The following UTS2 variants were observed in gnomAD, a reference collection of about 807,000 sequenced individuals.
The protein encoded by UTS2 is urotensin-2.
Under a neutral mutation model 12.6 loss-of-function variants are expected in UTS2, and 10 were observed. That is an observed-to-expected ratio of 0.80 (90% confidence interval 0.49 to 1.35). The LOEUF is 1.35. UTS2 is among the 40% of genes most tolerant of loss of function. The pLI is 0.00. For missense variants in UTS2, 142 were observed against 143.2 expected (o/e 0.99, Z 0.04); for synonymous variants, 52 against 50.0 (o/e 1.04, Z -0.17).
the UTS2 span, among the ~76,000 whole-genome samples, chr1:7,863,928 C>T: frequency 6.6e-6 from 1 of 152,222 alleles, no homozygotes; most frequent in Non-Finnish European, 1.5e-5. Flanking sequence ...TGCTGGCTGA[C>T]AGCGGGGCCT....
At chr1:7,856,172 TCG>T (rs1471642092), upstream of UTS2, among the ~76,000 whole-genome samples, 1 of 147,220 alleles carries the variant, frequency 6.8e-6, no homozygotes, top group African/African-American at 2.5e-5. Context: ...GTAGGCAGAC[TCG>T]ATAAATATTT....
At chr1:7,869,055 AT>A in the UTS2 span, among the ~76,000 whole-genome samples, 1 of 152,206 alleles carries the variant, frequency 6.6e-6, no homozygotes, top group African/African-American at 2.4e-5. Flanking sequence ...GTATTCTGTA[AT>A]AGCAGCCCCA....
chr1:7,874,196 C>G, the UTS2 span, among the ~76,000 whole-genome samples: 1 of 152,150 alleles, frequency 6.6e-6, no homozygotes, highest in African/African-American at 2.4e-5. Flanking sequence ...TGAGAGATCC[C>G]CGCAAGGCTG....
the UTS2 span, among the ~76,000 whole-genome samples, chr1:7,891,593 AAAG>A: frequency 6.7e-6 from 1 of 149,948 alleles, no homozygotes. Context: ...AGAAAGAAAG[AAAG>A]AAAATTGCCA....
At chr1:7,892,403 G>T in the UTS2 span, among the ~76,000 whole-genome samples, 4 of 150,274 alleles carry the variant, frequency 2.7e-5, no homozygotes, top group East Asian at 7.8e-4. Flanking sequence ...GCCTCCATCT[G>T]CAAAGCTTGC....
At chr1:7,877,143 G>A in the UTS2 span, among the ~76,000 whole-genome samples, 8,065 of 66,728 alleles carry the variant, frequency 0.12, 827 homozygotes, top group East Asian at 0.46. Flanking sequence ...AAAAAAAAAA[G>A]AAAAAAAAAA....
At chr1:7,891,596 G>GAA in the UTS2 span, among the ~76,000 whole-genome samples, 4 of 148,264 alleles carry the variant, frequency 2.7e-5, no homozygotes, top group Non-Finnish European at 6.0e-5. Context: ...AAGAAAGAAA[G>GAA]AAAATTGCCA....
chr1:7,849,569 A>G, intron 3 of UTS2, 71 bp downstream of exon 3: 1 of 1,381,326 alleles, frequency 7.2e-7, no homozygotes, highest in East Asian at 2.4e-5. Context: ...TAGTTCATGA[A>G]TTCAGAGTCC....
chr1:7,879,775 T>C, the UTS2 span, among the ~76,000 whole-genome samples: 80 of 151,670 alleles, frequency 5.3e-4, no homozygotes, highest in African/African-American at 1.8e-3. Flanking sequence ...TTGAAACAAA[T>C]GAAAATGAAA....
the UTS2 span, among the ~76,000 whole-genome samples, chr1:7,906,449 GAGAAAGAAAGAAAGAA>G: frequency 7.5e-4 from 55 of 73,274 alleles, no homozygotes; most frequent in African/African-American, 1.6e-3. Context: ...GAAAGAAAAA[GAGAAAGAAAGAAAGAA>G]AGAAAGAAAG....
chr1:7,850,926 C>T lies in UTS2; in HGVS notation c.104-4G>A. 1 of 1,613,926 alleles carries T rather than the reference C, an allele frequency of 6.2e-7. No homozygotes were observed. The highest frequency in any genetic ancestry group is 8.5e-7 in the Non-Finnish European group (1 of 1,179,936). ...AAGCGCGCGTCTTCATGAGGTGCTA[C>T]AGAGTAAAAACAGATACTTAGAATT... is the stretch of plus-strand genomic sequence containing the variant. On this transcript the variant is annotated splice_region_variant and splice_polypyrimidine_tract_variant and intron_variant, in intron 1 of 3. Coordinates refer to ENST00000361696, the MANE Select transcript of UTS2 (RefSeq NM_006786.4).
chr1:7,882,338 A>G, the UTS2 span, among the ~76,000 whole-genome samples: 2 of 152,092 alleles, frequency 1.3e-5, no homozygotes, highest in African/African-American at 4.8e-5. Flanking sequence ...CTGACTCTAA[A>G]TAAATAAATA....
At chr1:7,858,670 G>A in the UTS2 span, among the ~76,000 whole-genome samples, 2 of 152,090 alleles carry the variant, frequency 1.3e-5, no homozygotes, top group African/African-American at 4.8e-5. Context: ...ACCACCTCCA[G>A]GGTTCAAGCA....
the UTS2 span, among the ~76,000 whole-genome samples, chr1:7,860,906 G>T: frequency 2.0e-5 from 3 of 151,782 alleles, no homozygotes; most frequent in Non-Finnish European, 4.4e-5. Context: ...GCTGGGCATG[G>T]TGGTGGACAC....
chr1:7,891,209 G>A, the UTS2 span, among the ~76,000 whole-genome samples: 36 of 152,200 alleles, frequency 2.4e-4, no homozygotes, highest in East Asian at 3.7e-3. Context: ...ACAAAGTATC[G>A]GTTAGAGAGG....
chr1:7,881,396 AC>A, the UTS2 span, among the ~76,000 whole-genome samples: 4 of 152,120 alleles, frequency 2.6e-5, no homozygotes, highest in South Asian at 8.3e-4. Context: ...AAATCTAAAG[AC>A]TTCACCAAAA....
At chr1:7,871,336 A>T in the UTS2 span, among the ~76,000 whole-genome samples, 3 of 141,430 alleles carry the variant, frequency 2.1e-5, no homozygotes, top group Admixed American at 2.0e-4. Flanking sequence ...ACGTAACACA[A>T]CGTGCTCTCT....
At chr1:7,882,574 G>A in the UTS2 span, among the ~76,000 whole-genome samples, 1 of 152,092 alleles carries the variant, frequency 6.6e-6, no homozygotes, top group African/African-American at 2.4e-5. Context: ...GGACTATATT[G>A]AACTAAAACT....
the UTS2 span, among the ~76,000 whole-genome samples, chr1:7,910,242 C>G: frequency 3.2e-4 from 49 of 152,208 alleles, no homozygotes; most frequent in Middle Eastern, 3.4e-3. Context: ...CCAAAGCCAG[C>G]CTTAAAACCT....
Sources: gnomAD v4.1 joint callset for allele counts (sites outside exome capture counted in the v4.1 genomes callset) on GRCh38, gnomAD v4.1.1 for gene constraint, MANE v1.5 for transcripts, NCBI Gene and HGNC (gene_info 2026-07-23, HGNC 2026-07-21) for gene names.